Variants in UGT8 observed in about 807,000 individuals in gnomAD.
The protein encoded by UGT8 is 2-hydroxyacylsphingosine 1-beta-galactosyltransferase.
A neutral mutation model predicts 40.5 loss-of-function variants in UGT8; 12 were observed. That is an observed-to-expected ratio of 0.30 (90% CI 0.19 to 0.48). The LOEUF is 0.48. UGT8 is among the 20% of genes least tolerant of loss of function. The pLI is 0.99. For missense variants in UGT8, 513 were observed against 648.7 expected, an observed-to-expected ratio of 0.79 and a Z score of 2.27; for synonymous variants, 224 against 240.4, an observed-to-expected ratio of 0.93 and a Z score of 0.63.
At position 114,675,971 on chromosome 4, in the gene UGT8, C is replaced by T. The variant is rs759764366; in HGVS notation, c.1309C>T (p.Pro437Ser). The change falls in exon 6 of 6, where the codon CCT becomes TCT. Residue 437 changes from proline (P) to serine (S), a missense_variant. Pro to Ser is a moderately conservative substitution (Grantham distance 74). This residue lies in a region of UGT8 where 175 missense variants were observed against 186.7 expected (regional missense o/e 0.94). Transcript: ENST00000310836. ...GCTTTCGGAAATTCACAAGGATCAA[C>T]CTGGTCACCCTGTCAATCGAACTAT... ...QKLSEIHKDQ[P>S]GHPVNRTIYW... 1 of 1,614,130 alleles carries T rather than the reference C, an allele frequency of 6.2e-7. No homozygotes were observed. The highest frequency in any genetic ancestry group is 2.2e-5 in the East Asian group (1 of 44,872).
chr4:114,656,312 G>A (rs1014177902), intron 2 of UGT8, among the ~76,000 whole-genome samples: 1 of 151,904 alleles, frequency 6.6e-6, no homozygotes, highest in Admixed American at 6.6e-5. Context: ...AAAGAAAGGA[G>A]GCAGACAGAT....
chr4:114,646,373 C>G (rs1733572312), intron 2 of UGT8, among the ~76,000 whole-genome samples: 1 of 151,154 alleles, frequency 6.6e-6, no homozygotes, highest in Admixed American at 6.6e-5. Flanking sequence ...ATACATATAT[C>G]TATATCTATA....
At chr4:114,625,008 A>G (rs1413091507) in intron 2 of UGT8, among the ~76,000 whole-genome samples, 1 of 152,130 alleles carries the variant, frequency 6.6e-6, no homozygotes, top group Non-Finnish European at 1.5e-5. Context: ...AAGGTAGCTA[A>G]AATCAGATTT....
intron 2 of UGT8, among the ~76,000 whole-genome samples, chr4:114,641,793 T>G (rs984706489): frequency 1.1e-4 from 16 of 152,194 alleles, no homozygotes; most frequent in African/African-American, 3.9e-4. Flanking sequence ...GAATAAATTA[T>G]AAGATCAAAA....
rs113995026 is a variant in UGT8, at chr4:114,669,031, G to A, written c.1262+727G>A. ...TCCAATAGCATTAAATATTAGAAGC[G>A]TATAAGCTTTTTCTTTTTATGCCTA... On this transcript the variant is annotated intron_variant, in intron 5 of 5. Coordinates refer to ENST00000310836, the MANE Select transcript of UGT8 (RefSeq NM_001128174.3). 3.2e-3 allele frequency among the ~76,000 whole-genome samples: 484 copies of A among 152,196 alleles called. 2 individuals carry two copies. Among genetic ancestry groups the A allele is most frequent in the African/African-American group, 9.3e-3 (388 of 41,536 alleles).
At chr4:114,660,836 A>G (rs1266472465) in intron 2 of UGT8, among the ~76,000 whole-genome samples, 1 of 151,454 alleles carries the variant, frequency 6.6e-6, no homozygotes, top group African/African-American at 2.4e-5. Context: ...GCCTGCAGTA[A>G]GCCGAGATCG....
intron 2 of UGT8, among the ~76,000 whole-genome samples, chr4:114,628,274 G>T (rs890273609): frequency 6.6e-6 from 1 of 151,948 alleles, no homozygotes; most frequent in South Asian, 2.1e-4. Context: ...CAAGTAGCTG[G>T]GATTAGAGGT....
intron 2 of UGT8, among the ~76,000 whole-genome samples, chr4:114,651,784 A>G (rs1325089426): frequency 6.6e-6 from 1 of 152,172 alleles, no homozygotes; most frequent in Non-Finnish European, 1.5e-5. Context: ...ATTATCATGT[A>G]TAACAATAAC....
At chr4:114,672,144 G>A (rs1051818118) in intron 5 of UGT8, among the ~76,000 whole-genome samples, 4 of 152,188 alleles carry the variant, frequency 2.6e-5, no homozygotes, top group African/African-American at 9.7e-5. Flanking sequence ...CAGTCAGAAT[G>A]GTGATTATTA....
chr4:114,615,325 G>A (rs994682366), intron 1 of UGT8, among the ~76,000 whole-genome samples: 11 of 152,116 alleles, frequency 7.2e-5, no homozygotes, highest in Non-Finnish European at 1.5e-5. Flanking sequence ...AAGGCATGTA[G>A]CAATTAAAAA....
chr4:114,616,844 A>G (rs1013819482), intron 1 of UGT8, among the ~76,000 whole-genome samples: 1 of 152,158 alleles, frequency 6.6e-6, no homozygotes, highest in Non-Finnish European at 1.5e-5. Flanking sequence ...AAAATATTTC[A>G]GTAGTATATT....
chr4:114,639,379 A>G (rs899409208), intron 2 of UGT8, among the ~76,000 whole-genome samples: 10 of 152,232 alleles, frequency 6.6e-5, no homozygotes, highest in African/African-American at 2.4e-4. Flanking sequence ...TAACATAAGA[A>G]CATTCACATT....
intron 5 of UGT8, among the ~76,000 whole-genome samples, chr4:114,674,322 G>T (rs1735483828): frequency 6.6e-6 from 1 of 152,058 alleles, no homozygotes; most frequent in Non-Finnish European, 1.5e-5. Context: ...ATTCAAGCTG[G>T]AAACATTGCA....
At chr4:114,629,708 T>C (rs1732454497) in intron 2 of UGT8, among the ~76,000 whole-genome samples, 2 of 152,318 alleles carry the variant, frequency 1.3e-5, no homozygotes, top group South Asian at 2.1e-4. Context: ...CTAAGCAACA[T>C]TGTAGTTTTT....
intron 1 of UGT8, among the ~76,000 whole-genome samples, chr4:114,612,808 A>G (rs905939942): frequency 6.6e-6 from 1 of 152,112 alleles, no homozygotes; most frequent in Admixed American, 6.6e-5. Flanking sequence ...CTGAACCACA[A>G]TTTACATTTT....
chr4:114,607,192 C>G (rs117774669), intron 1 of UGT8, among the ~76,000 whole-genome samples: 1 of 152,096 alleles, frequency 6.6e-6, no homozygotes. Flanking sequence ...TTGGTAGAGT[C>G]CCAAGTAACC....
chr4:114,624,827 A>G (rs1732088081), intron 2 of UGT8, among the ~76,000 whole-genome samples: 1 of 152,138 alleles, frequency 6.6e-6, no homozygotes, highest in Admixed American at 6.5e-5. Context: ...TGGCCTGTAC[A>G]CCCACAGCAT....
At chr4:114,661,238 T>C (rs939674432) in intron 2 of UGT8, among the ~76,000 whole-genome samples, 47 of 152,268 alleles carry the variant, frequency 3.1e-4, no homozygotes, top group African/African-American at 1.1e-3. Flanking sequence ...GAAGTACTTT[T>C]ACTTGTAAAA....
chr4:114,668,002 G>A (rs1338097902), intron 4 of UGT8, 83 bp from the exon 5 acceptor site: 1 of 1,541,810 alleles, frequency 6.5e-7, no homozygotes, highest in Admixed American at 1.9e-5. Flanking sequence ...TTACTGTAGT[G>A]CCGATTTTTA....
Sources: allele counts gnomAD v4.1 joint callset (sites outside exome capture counted in the v4.1 genomes callset), GRCh38; gene constraint gnomAD v4.1.1; regional missense constraint gnomAD v4.1.1; transcripts MANE v1.5; gene names NCBI Gene and HGNC (gene_info 2026-07-23, HGNC 2026-07-21).